SNTG1: variants seen among roughly 807,000 people sequenced by gnomAD.
SNTG1 encodes syntrophin gamma 1.
SNTG1 carries 39 observed loss-of-function variants against 74.7 expected under a neutral mutation model. The observed-to-expected ratio is 0.52, with a 90% confidence interval of 0.40 to 0.68. SNTG1 has a LOEUF of 0.68. SNTG1 is among the 30% of genes least tolerant of loss of function. The pLI is 0.00. For missense variants in SNTG1, 685 were observed against 609.5 expected (o/e 1.12, Z -1.30); for synonymous variants, 254 against 217.1 (o/e 1.17, Z -1.49).
chr8:50,318,197 A>G (rs2090388197), intron 2 of SNTG1, among the ~76,000 whole-genome samples: 1 of 152,066 alleles, frequency 6.6e-6, no homozygotes, highest in Non-Finnish European at 1.5e-5. Context: ...GAGAGTAGGA[A>G]CTGTCTCATG....
At chr8:50,240,691 C>A (rs1411039498) in intron 2 of SNTG1, among the ~76,000 whole-genome samples, 2 of 152,184 alleles carry the variant, frequency 1.3e-5, no homozygotes, top group African/African-American at 4.8e-5. Context: ...TTAAGCAACA[C>A]TTCGGTTCTT....
intron 1 of SNTG1, among the ~76,000 whole-genome samples, chr8:50,050,168 T>C (rs1045781407): frequency 7.3e-5 from 11 of 151,698 alleles, no homozygotes; most frequent in African/African-American, 2.4e-4. Flanking sequence ...AGGCTGGCTC[T>C]TTGAAAAAAA....
chr8:50,498,358 A>G (rs1245554075), intron 8 of SNTG1, among the ~76,000 whole-genome samples: 1 of 151,840 alleles, frequency 6.6e-6, no homozygotes, highest in Non-Finnish European at 1.5e-5. Flanking sequence ...ACTAATTGCT[A>G]TTATGTTAAG....
chr8:50,091,824 A>AT (rs906319373), intron 1 of SNTG1, among the ~76,000 whole-genome samples: 41 of 151,646 alleles, frequency 2.7e-4, no homozygotes, highest in African/African-American at 6.0e-4. Context: ...TTTAAATTTA[A>AT]TTTTTTTTTC....
At chr8:50,513,607 T>C (rs1166661092) in intron 9 of SNTG1, among the ~76,000 whole-genome samples, 1 of 152,234 alleles carries the variant, frequency 6.6e-6, no homozygotes, top group Non-Finnish European at 1.5e-5. Context: ...ACTCAAGCCT[T>C]GGCAATGGCG....
At chr8:50,517,551 A>C (rs1286500237) in intron 9 of SNTG1, among the ~76,000 whole-genome samples, 3 of 148,210 alleles carry the variant, frequency 2.0e-5, no homozygotes, top group Non-Finnish European at 4.4e-5. Flanking sequence ...GACCTATCTC[A>C]TGTGCAAAGA....
chr8:49,980,443 G>A (rs1812569827), intron 1 of SNTG1, among the ~76,000 whole-genome samples: 1 of 134,924 alleles, frequency 7.4e-6, no homozygotes, highest in Admixed American at 8.9e-5. Context: ...GTTTCTGCCT[G>A]CACGAGTTCC....
intron 2 of SNTG1, among the ~76,000 whole-genome samples, chr8:50,208,195 G>A (rs181424991): frequency 1.9e-4 from 29 of 152,246 alleles, no homozygotes; most frequent in South Asian, 1.0e-3. Context: ...TATTGAGTGG[G>A]AGTCTAAGTC....
At chr8:50,356,034 T>C (rs932937042) in intron 2 of SNTG1, among the ~76,000 whole-genome samples, 3 of 152,160 alleles carry the variant, frequency 2.0e-5, no homozygotes, top group Non-Finnish European at 4.4e-5. Flanking sequence ...CTGTACTTCC[T>C]TTTTTTGTTT....
chr8:50,647,716 T>C (rs1240230964), intron 13 of SNTG1, among the ~76,000 whole-genome samples: 1 of 152,164 alleles, frequency 6.6e-6, no homozygotes, highest in Non-Finnish European at 1.5e-5. Flanking sequence ...ATGGGGCATG[T>C]TTTGTGATAA....
chr8:50,104,366 T>A (rs1037951868), intron 1 of SNTG1, among the ~76,000 whole-genome samples: 4 of 152,190 alleles, frequency 2.6e-5, no homozygotes, highest in African/African-American at 9.7e-5. Context: ...TTTGAAGTAT[T>A]CTCTGATGGT....
At chr8:50,354,285 G>A (rs2091753835) in intron 2 of SNTG1, among the ~76,000 whole-genome samples, 1 of 152,090 alleles carries the variant, frequency 6.6e-6, no homozygotes, top group Admixed American at 6.5e-5. Context: ...TTATTAAAAG[G>A]TGCTATTGAC....
At chr8:50,269,849 G>T (rs1430275741) in intron 2 of SNTG1, among the ~76,000 whole-genome samples, 1 of 152,046 alleles carries the variant, frequency 6.6e-6, no homozygotes, top group Non-Finnish European at 1.5e-5. Context: ...CATAAAAGAC[G>T]TATACACATT....
At position 50,036,047 on chromosome 8, in the gene SNTG1, T is replaced by C. The variant is rs150202717; in HGVS notation, c.-103+123816T>C. On this transcript the variant is annotated intron_variant, in intron 1 of 18. Coordinates refer to ENST00000642720, the MANE Select transcript of SNTG1 (RefSeq NM_018967.5). ...AAATTGGTCTCTTTATGCATCACTT[T>C]CTCTTCACAACTCCATTTGGGATGG... Among the ~76,000 whole-genome samples, 1,455 of 152,298 alleles carry C rather than the reference T, an allele frequency of 9.6e-3. 16 individuals are homozygous for C. Among genetic ancestry groups the C allele is most frequent in the Non-Finnish European group, 0.013 (890 of 68,024 alleles).
intron 11 of SNTG1, among the ~76,000 whole-genome samples, chr8:50,541,682 C>G (rs1341715099): frequency 1.3e-5 from 2 of 151,866 alleles, no homozygotes; most frequent in Non-Finnish European, 2.9e-5. Flanking sequence ...TCCTTCTTTT[C>G]CAGCTATTTT....
chr8:50,643,513 T>A (rs1157243613), intron 13 of SNTG1, among the ~76,000 whole-genome samples: 1 of 152,190 alleles, frequency 6.6e-6, no homozygotes, highest in Non-Finnish European at 1.5e-5. Flanking sequence ...AATAGGCTCA[T>A]TTGTAAACTC....
At chr8:50,168,530 A>G (rs1407060775) in intron 1 of SNTG1, among the ~76,000 whole-genome samples, 1 of 152,166 alleles carries the variant, frequency 6.6e-6, no homozygotes, top group Non-Finnish European at 1.5e-5. Context: ...ACAAAACCTT[A>G]ACACATCCGT....
chr8:50,785,561 A>G (rs973026814), intron 18 of SNTG1, among the ~76,000 whole-genome samples: 1 of 152,032 alleles, frequency 6.6e-6, no homozygotes, highest in African/African-American at 2.4e-5. Context: ...GCCCCAAATC[A>G]AGAGGTTTGT....
Position 50,513,405 on chromosome 8 carries a change from C to T in SNTG1, c.466+10525C>T, listed in dbSNP as rs1375805306. The stretch of plus-strand genomic sequence containing the variant: ...GACAGTCTGTCCATTCTCAGATCTC[C>T]AGCTGTGTGCTTGGAGAACCACTGC... On this transcript the variant is annotated intron_variant, in intron 9 of 18. Transcript: ENST00000642720. 2.0e-5 allele frequency among the ~76,000 whole-genome samples: 3 copies of T among 152,242 alleles called. No homozygotes were observed. In the South Asian group the frequency reaches 6.2e-4, roughly 31 times the overall value.
Sources: allele counts gnomAD v4.1 joint callset (sites outside exome capture counted in the v4.1 genomes callset), GRCh38; gene constraint gnomAD v4.1.1; transcripts MANE v1.5; gene names NCBI Gene and HGNC (gene_info 2026-07-23, HGNC 2026-07-21).